TLE4: variants seen among roughly 807,000 people sequenced by gnomAD.
TLE4 encodes transducin-like enhancer protein 4.
In TLE4, 8 loss-of-function variants were observed where a neutral mutation model predicts 92.8. The ratio of observed to expected loss-of-function variants is 0.09; its 90% CI spans 0.05 to 0.16. TLE4 has a LOEUF of 0.16. TLE4 is among the 10% of genes least tolerant of loss of function. The pLI is 1.00. For missense variants in TLE4, 675 were observed against 997.6 expected (o/e 0.68, Z 4.36); for synonymous variants, 371 against 374.1 (o/e 0.99, Z 0.10).
chr9:79,708,631 T>C lies in TLE4; in HGVS notation c.1108T>C (p.Tyr370His), dbSNP rs1295110179. 6.2e-7 allele frequency: 1 copy of C among 1,614,136 alleles called. No homozygotes were observed. Among genetic ancestry groups the C allele is most frequent in the East Asian group, 2.2e-5 (1 of 44,878 alleles). ...GACCCCAATGGCAGTACCTTGTCCA[T>C]ATCCAACTCCATTTGGGATTGTGCC... Reference protein sequence around the residue: ...LRTPMAVPCPYPTPFGIVPHA... With the variant: ...LRTPMAVPCPHPTPFGIVPHA... The change falls in exon 13 of 20, where the codon TAT becomes CAT. Residue 370 changes from tyrosine (Y) to histidine (H), a missense_variant. Physicochemically the swap from Tyr to His is moderately conservative, Grantham distance 83. Around this residue, in one of 5 missense-constraint regions of TLE4, gnomAD observed 280 missense variants for 287.3 expected, o/e 0.97. Coordinates refer to ENST00000376552, the MANE Select transcript of TLE4 (RefSeq NM_007005.6).
At chr9:79,658,466 T>A (rs1208638841) in intron 8 of TLE4, among the ~76,000 whole-genome samples, 1 of 152,226 alleles carries the variant, frequency 6.6e-6, no homozygotes, top group Non-Finnish European at 1.5e-5. Flanking sequence ...TTCTGCCGCA[T>A]CTGTATTTTG....
intron 8 of TLE4, among the ~76,000 whole-genome samples, chr9:79,669,221 G>T (rs1446535360): frequency 6.6e-6 from 1 of 152,150 alleles, no homozygotes; most frequent in Non-Finnish European, 1.5e-5. Context: ...GAGGTGGTTA[G>T]GCTTCAGAGA....
intron 16 of TLE4, among the ~76,000 whole-genome samples, chr9:79,721,088 T>G (rs1262305374): frequency 6.6e-6 from 1 of 152,236 alleles, no homozygotes; most frequent in Non-Finnish European, 1.5e-5. Context: ...TTCAAAGTAC[T>G]GAAACCTATA....
chr9:79,658,204 T>C (rs1342472504), intron 8 of TLE4, among the ~76,000 whole-genome samples: 2 of 152,238 alleles, frequency 1.3e-5, no homozygotes, highest in Admixed American at 1.3e-4. Flanking sequence ...TAATTTAAAA[T>C]GCCAAATGCA....
At chr9:79,650,715 CGTGGGTGGGGCTTG>C (rs2058808714) in intron 6 of TLE4, among the ~76,000 whole-genome samples, 1 of 152,018 alleles carries the variant, frequency 6.6e-6, no homozygotes, top group African/African-American at 2.4e-5. Context: ...GGACTTGGAG[CGTGGGTGGGGCTTG>C]GTTGGTGGAG....
chr9:79,626,251 C>G (rs182437629), intron 5 of TLE4, among the ~76,000 whole-genome samples: 3 of 152,162 alleles, frequency 2.0e-5, no homozygotes, highest in African/African-American at 4.8e-5. Context: ...AGGTGGTTCA[C>G]GGAGAATTCC....
chr9:79,667,596 A>G lies in TLE4; in HGVS notation c.609+13521A>G, dbSNP rs552560752. On this transcript the variant is annotated intron_variant, in intron 8 of 19. Coordinates refer to ENST00000376552, the MANE Select transcript of TLE4 (RefSeq NM_007005.6). Reference sequence around the variant, plus strand: ...TTTTATAGTCTGTTTACGGATGTGTATGTTTTTAAAATACTCCATTAAAAA... The same window carrying G: ...TTTTATAGTCTGTTTACGGATGTGTGTGTTTTTAAAATACTCCATTAAAAA... Among the ~76,000 whole-genome samples the G allele has an allele frequency of 5.3e-5, 8 of 152,284 alleles. No homozygotes were observed. The South Asian group carries it at 1.7e-3, about 32-fold the overall frequency.
intron 16 of TLE4, among the ~76,000 whole-genome samples, chr9:79,721,390 A>G (rs2075616846): frequency 6.6e-6 from 1 of 152,164 alleles, no homozygotes; most frequent in African/African-American, 2.4e-5. Context: ...CCCTCATACC[A>G]CAGTAATAGA....
chr9:79,586,585 C>T (rs1272574655), intron 4 of TLE4, among the ~76,000 whole-genome samples: 1 of 152,152 alleles, frequency 6.6e-6, no homozygotes, highest in Non-Finnish European at 1.5e-5. Flanking sequence ...GTGAGCTTGA[C>T]ATCTCAAGTC....
rs909580076 is a variant in TLE4, at chr9:79,677,841, A to G, written c.609+23766A>G. Among the ~76,000 whole-genome samples, 4 of 152,194 alleles carry G rather than the reference A, an allele frequency of 2.6e-5. No individual in the cohort carries two copies. The South Asian group carries it at 8.3e-4, about 32-fold the overall frequency. The stretch of plus-strand genomic sequence containing the variant: ...TGGATGCTCTTTTACTTATAGAATC[A>G]GAAGTGGGTGGTGTAAGAGATTCTA... On this transcript the variant is annotated intron_variant, in intron 8 of 19. Coordinates refer to ENST00000376552, the MANE Select transcript of TLE4 (RefSeq NM_007005.6).
chr9:79,578,043 A>G (rs573143385), intron 4 of TLE4, among the ~76,000 whole-genome samples: 4 of 152,278 alleles, frequency 2.6e-5, no homozygotes, highest in South Asian at 2.1e-4. Flanking sequence ...TTATCACATT[A>G]TGAAATACAG....
chr9:79,710,661 G>C (rs1369035841), intron 14 of TLE4, among the ~76,000 whole-genome samples: 1 of 152,148 alleles, frequency 6.6e-6, no homozygotes. Flanking sequence ...ACTTTCTGTG[G>C]CTTAGTGTCT....
intron 8 of TLE4, among the ~76,000 whole-genome samples, chr9:79,693,171 G>C (rs188964197): frequency 2.0e-5 from 3 of 152,068 alleles, no homozygotes; most frequent in Admixed American, 6.5e-5. Flanking sequence ...CTTATGTCAC[G>C]GGATTCTTCT....
chr9:79,709,755 G>GC (rs1304825108), intron 14 of TLE4, 56 bp downstream of exon 14: 4 of 1,508,384 alleles, frequency 2.7e-6, no homozygotes, highest in Non-Finnish European at 2.8e-6. Flanking sequence ...TCCCTTGCTG[G>GC]CCCCGTAGAC....
chr9:79,578,197 T>TTG (rs2038525282), intron 4 of TLE4, among the ~76,000 whole-genome samples: 1 of 152,184 alleles, frequency 6.6e-6, no homozygotes, highest in Non-Finnish European at 1.5e-5. Flanking sequence ...CTGGATACCC[T>TTG]TGTAATGGAA....
At chr9:79,708,926 G>A in intron 13 of TLE4, 140 bp downstream of exon 13, 1 of 1,021,996 alleles carries the variant, frequency 9.8e-7, no homozygotes, top group Non-Finnish European at 1.4e-6. Flanking sequence ...CTGCCTCCTG[G>A]GCTTAAGCGA....
At chr9:79,675,080 A>G (rs550432875) in intron 8 of TLE4, among the ~76,000 whole-genome samples, 3 of 152,254 alleles carry the variant, frequency 2.0e-5, no homozygotes, top group African/African-American at 7.2e-5. Flanking sequence ...ATGTAGTGAT[A>G]ATACTTTATA....
chr9:79,689,562 A>C (rs2066611837), intron 8 of TLE4, among the ~76,000 whole-genome samples: 2 of 152,202 alleles, frequency 1.3e-5, no homozygotes, highest in South Asian at 4.1e-4. Context: ...GAAGCACTGC[A>C]TTCAGTATTC....
At chr9:79,667,772 A>G (rs115187647) in intron 8 of TLE4, among the ~76,000 whole-genome samples, 35 of 152,264 alleles carry the variant, frequency 2.3e-4, no homozygotes, top group African/African-American at 8.4e-4. Context: ...TCCACATAGT[A>G]AAGATTGGAT....
Sources: allele counts gnomAD v4.1 joint callset (sites outside exome capture counted in the v4.1 genomes callset), GRCh38; gene constraint gnomAD v4.1.1; regional missense constraint gnomAD v4.1.1; transcripts MANE v1.5; gene names NCBI Gene and HGNC (gene_info 2026-07-23, HGNC 2026-07-21).